NAV3: variants seen among roughly 807,000 people sequenced by gnomAD.
NAV3 encodes neuron navigator 3.
A neutral mutation model predicts 244.7 loss-of-function variants in NAV3; 87 were observed. The observed-to-expected ratio is 0.36, with a 90% CI of 0.30 to 0.42. The LOEUF is 0.42. NAV3 is among the 20% of genes least tolerant of loss of function. NAV3 has a pLI of 1.00. For synonymous variants in NAV3, 1,126 were observed against 1,042.2 expected (o/e 1.08, Z -1.55); for missense variants, 2,663 against 2,893.3 (o/e 0.92, Z 1.83).
Position 77,994,841 on chromosome 12 carries a change from G to A in NAV3, c.710G>A (p.Gly237Glu), listed in dbSNP as rs2136402143. 5 of 1,609,110 alleles carry A rather than the reference G, an allele frequency of 3.1e-6. No individual in the cohort carries two copies. The highest frequency in any genetic ancestry group is 3.4e-6 in the Non-Finnish European group (4 of 1,177,384). ...ARYATQSNHS[G>E]IATSQKKPTR... ...TATGCAACTCAGTCTAATCACAGTG[G>A]AATTGCAACCAGTCAAAAAAAGCCT... is the stretch of plus-strand genomic sequence containing the variant. The change falls in exon 6 of 40, where the codon GGA becomes GAA. Residue 237 changes from glycine to glutamate, a missense_variant. Gly to Glu is a moderately conservative substitution (Grantham distance 98, BLOSUM62 -2). Coordinates refer to ENST00000397909, the MANE Select transcript of NAV3 (RefSeq NM_001024383.2).
In NAV3 at chr12:78,200,535, C is replaced by A; in HGVS notation, c.6778C>A (p.Leu2260Ile). The stretch of plus-strand genomic sequence containing the variant: ...AGGTTCTAGAGTATGGTTCATGGAT[C>A]TCTGGAACTATTCTTTAGTACCTTA... ...VEGSRVWFMD[L>I]WNYSLVPYIL... The change falls in exon 38 of 40, where the codon CTC becomes ATC. Residue 2260 changes from leucine (L) to isoleucine (I), a missense_variant. Leu to Ile is a conservative substitution (Grantham distance 5). This residue lies in a region of NAV3 where 543 missense variants were observed against 672.4 expected (regional missense o/e 0.81). Transcript: ENST00000397909. 2 of 1,602,110 alleles carry A rather than the reference C, an allele frequency of 1.2e-6. No homozygotes were observed. The highest frequency in any genetic ancestry group is 8.5e-7 in the Non-Finnish European group (1 of 1,173,798).
intron 12 of NAV3, among the ~76,000 whole-genome samples, chr12:78,092,486 AT>A (rs1953998816): frequency 1.7e-5 from 1 of 59,130 alleles, no homozygotes; most frequent in South Asian, 5.2e-4. Context: ...AGCGTTAGTT[AT>A]TTTCTTTTTT....
At chr12:77,870,829 C>CA (rs1880840281) in intron 1 of NAV3, among the ~76,000 whole-genome samples, 1 of 152,144 alleles carries the variant, frequency 6.6e-6, no homozygotes, top group African/African-American at 2.4e-5. Context: ...GCATGAAATC[C>CA]AAGAGCAGTC....
chr12:77,709,765 A>G (rs1033526475), intron 2 of NAV3, among the ~76,000 whole-genome samples: 7 of 152,100 alleles, frequency 4.6e-5, no homozygotes, highest in Non-Finnish European at 1.0e-4. Flanking sequence ...TCAAATTGCA[A>G]CCTTGGTAAT....
intron 1 of NAV3, among the ~76,000 whole-genome samples, chr12:77,915,577 T>C (rs1025266104): frequency 6.6e-6 from 1 of 150,698 alleles, no homozygotes; most frequent in African/African-American, 2.4e-5. Context: ...AGATAGTATA[T>C]TATTAGCATA....
intron 3 of NAV3, among the ~76,000 whole-genome samples, chr12:77,954,580 A>G (rs772979440): frequency 4.6e-5 from 7 of 152,324 alleles, no homozygotes; most frequent in Non-Finnish European, 8.8e-5. Context: ...TATGGAGTAA[A>G]TAGCATACTT....
Position 77,897,422 on chromosome 12 carries a change from C to T in NAV3, c.244-42897C>T, listed in dbSNP as rs180703308. Among the ~76,000 whole-genome samples the T allele has an allele frequency of 7.4e-4, 112 of 152,320 alleles. No homozygotes were observed. The Middle Eastern group carries it at 0.014, about 19-fold the overall frequency. On this transcript the variant is annotated intron_variant, in intron 1 of 39. Coordinates refer to ENST00000397909, the MANE Select transcript of NAV3 (RefSeq NM_001024383.2). The stretch of plus-strand genomic sequence containing the variant: ...TGGCATTTTCCATGTAATCCTAGAA[C>T]TCTGACCCCATTCTCTTTTGCCCTT...
intron 7 of NAV3, among the ~76,000 whole-genome samples, chr12:77,999,490 C>G (rs1268981223): frequency 6.6e-6 from 1 of 152,172 alleles, no homozygotes; most frequent in African/African-American, 2.4e-5. Context: ...ACAACTTCCT[C>G]TTCCTCAAAT....
At chr12:77,706,519 T>G (rs1421302757) in intron 2 of NAV3, among the ~76,000 whole-genome samples, 1 of 151,312 alleles carries the variant, frequency 6.6e-6, no homozygotes, top group African/African-American at 2.5e-5. Flanking sequence ...TTATCTTGGC[T>G]GATCGTTATC....
chr12:77,971,653 A>G (rs1199696954), intron 5 of NAV3, among the ~76,000 whole-genome samples: 1 of 152,076 alleles, frequency 6.6e-6, no homozygotes, highest in Non-Finnish European at 1.5e-5. Context: ...CTAGTGACAA[A>G]TTTATCTTCA....
intron 2 of NAV3, among the ~76,000 whole-genome samples, chr12:77,670,691 C>T (rs921403538): frequency 2.0e-5 from 3 of 151,944 alleles, no homozygotes; most frequent in African/African-American, 4.8e-5. Flanking sequence ...AAAAATCAGA[C>T]GATCTTCTCA....
chr12:77,851,995 C>T (rs1338565490), intron 1 of NAV3, among the ~76,000 whole-genome samples: 1 of 152,124 alleles, frequency 6.6e-6, no homozygotes, highest in Non-Finnish European at 1.5e-5. Flanking sequence ...AGAAAGACGA[C>T]CTAGCTACTG....
chr12:78,149,820 A>G (rs1349464018), intron 22 of NAV3, among the ~76,000 whole-genome samples: 2 of 152,032 alleles, frequency 1.3e-5, no homozygotes, highest in African/African-American at 2.4e-5. Flanking sequence ...GCAGACCCAC[A>G]GTGTAAGACT....
At position 77,624,148 on chromosome 12, in the gene NAV3, C is replaced by G. The variant is rs201107813; in HGVS notation, c.72+51882C>G. ...GAATACGTTATTTTAGAAGGGCTAA[C>G]CAGGAAAGGATTGTCTGAAGAGGTG... On this transcript the variant is annotated intron_variant, in intron 2 of 8. Coordinates refer to the NAV3 transcript ENST00000550042. 2.6e-5 allele frequency among the ~76,000 whole-genome samples: 4 copies of G among 151,992 alleles called. No homozygotes were observed. The East Asian group carries it at 5.8e-4, about 22-fold the overall frequency.
At chr12:78,031,066 T>C (rs1019498374) in intron 9 of NAV3, among the ~76,000 whole-genome samples, 4 of 152,210 alleles carry the variant, frequency 2.6e-5, no homozygotes, top group Non-Finnish European at 4.4e-5. Context: ...GCTTCCCAAG[T>C]GAAGTGGCCT....
intron 7 of NAV3, among the ~76,000 whole-genome samples, chr12:78,002,634 A>G (rs927415780): frequency 4.6e-5 from 7 of 152,154 alleles, no homozygotes; most frequent in African/African-American, 1.7e-4. Context: ...AAAGTCAAAG[A>G]ACTGAACTGT....
chr12:77,928,377 C>T (rs949870613), intron 1 of NAV3, among the ~76,000 whole-genome samples: 3 of 152,122 alleles, frequency 2.0e-5, no homozygotes, highest in Admixed American at 1.3e-4. Flanking sequence ...GATCTGGACA[C>T]GAACTAGGTA....
intron 12 of NAV3, among the ~76,000 whole-genome samples, chr12:78,088,509 G>A (rs1044635700): frequency 1.4e-4 from 22 of 152,080 alleles, no homozygotes; most frequent in African/African-American, 5.1e-4. Context: ...ATGCGCTATT[G>A]TAAAAAATCA....
chr12:77,690,007 G>A (rs189637757), intron 2 of NAV3, among the ~76,000 whole-genome samples: 78 of 151,662 alleles, frequency 5.1e-4, no homozygotes, highest in Non-Finnish European at 9.8e-4. Context: ...GGAATGAAAT[G>A]GAATAATTAC....
Sources: allele counts gnomAD v4.1 joint callset (sites outside exome capture counted in the v4.1 genomes callset), GRCh38; gene constraint gnomAD v4.1.1; regional missense constraint gnomAD v4.1.1; transcripts MANE v1.5; gene names NCBI Gene and HGNC (gene_info 2026-07-23, HGNC 2026-07-21).